GPC6: variants seen among roughly 807,000 people sequenced by gnomAD.
GPC6 encodes the protein glypican 6, also known as glypican-6.
A neutral mutation model predicts 55.2 loss-of-function variants in GPC6; 14 were observed. The ratio of observed to expected loss-of-function variants is 0.25; its 90% CI spans 0.17 to 0.40. The LOEUF (loss-of-function observed/expected upper bound fraction) is 0.40. GPC6 is among the 10% of genes least tolerant of loss of function. The pLI is 1.00. For synonymous variants in GPC6, 278 were observed against 259.6 expected (o/e 1.07, Z -0.68); for missense variants, 641 against 708.5 (o/e 0.90, Z 1.08).
chr13:93,307,841 C>A (rs1037737328), intron 1 of GPC6, among the ~76,000 whole-genome samples: 12 of 152,060 alleles, frequency 7.9e-5, no homozygotes, highest in African/African-American at 2.9e-4. Flanking sequence ...GTAAAGTGTT[C>A]TCACCACAAA....
intron 8 of GPC6, among the ~76,000 whole-genome samples, chr13:94,402,650 A>G (rs931849010): frequency 6.6e-6 from 1 of 152,172 alleles, no homozygotes; most frequent in African/African-American, 2.4e-5. Context: ...GAGACTGGGT[A>G]ATTTATAAAG....
chr13:93,593,408 G>A (rs1877577912), intron 2 of GPC6, among the ~76,000 whole-genome samples: 1 of 152,050 alleles, frequency 6.6e-6, no homozygotes, highest in Non-Finnish European at 1.5e-5. Flanking sequence ...TGATGTCACT[G>A]CATAAACTTA....
At chr13:94,007,863 T>C (rs373441761) in intron 3 of GPC6, among the ~76,000 whole-genome samples, 7 of 152,078 alleles carry the variant, frequency 4.6e-5, no homozygotes, top group African/African-American at 1.7e-4. Flanking sequence ...TACATGTGAA[T>C]CTAACGTACA....
chr13:93,725,405 T>G (rs1365817154), intron 2 of GPC6, among the ~76,000 whole-genome samples: 1 of 152,064 alleles, frequency 6.6e-6, no homozygotes, highest in Non-Finnish European at 1.5e-5. Flanking sequence ...GAAACTCCCT[T>G]TCTCCTAAAA....
chr13:93,357,158 A>G (rs529580599), intron 1 of GPC6, among the ~76,000 whole-genome samples: 3 of 152,248 alleles, frequency 2.0e-5, no homozygotes, highest in East Asian at 3.9e-4. Context: ...AGAGTGAATC[A>G]CCTTCATTGT....
chr13:93,404,914 C>T (rs1366514081), intron 1 of GPC6, among the ~76,000 whole-genome samples: 1 of 152,012 alleles, frequency 6.6e-6, no homozygotes, highest in Non-Finnish European at 1.5e-5. Flanking sequence ...GGTTAATCAC[C>T]TCATTAATCA....
At chr13:93,528,428 T>C (rs951330124) in intron 1 of GPC6, among the ~76,000 whole-genome samples, 3 of 152,138 alleles carry the variant, frequency 2.0e-5, no homozygotes, top group Admixed American at 2.0e-4. Flanking sequence ...AAGATGGAAA[T>C]CAGCATCTCT....
chr13:94,341,879 A>G (rs1428753540), intron 6 of GPC6, among the ~76,000 whole-genome samples: 2 of 152,246 alleles, frequency 1.3e-5, no homozygotes, highest in Admixed American at 1.3e-4. Context: ...TATACCTCAC[A>G]TTGTAAAACT....
intron 1 of GPC6, among the ~76,000 whole-genome samples, chr13:93,476,856 T>C (rs1879320442): frequency 6.6e-6 from 1 of 152,204 alleles, no homozygotes; most frequent in Non-Finnish European, 1.5e-5. Context: ...CAAATATTAA[T>C]ATGTGACTAT....
At chr13:93,817,292 A>G (rs982522122) in intron 2 of GPC6, among the ~76,000 whole-genome samples, 5 of 152,198 alleles carry the variant, frequency 3.3e-5, no homozygotes, top group African/African-American at 7.2e-5. Flanking sequence ...GTTAGCTTTT[A>G]AATATTCTTT....
chr13:93,781,829 A>G, intron 2 of GPC6, among the ~76,000 whole-genome samples: 1 of 152,312 alleles, frequency 6.6e-6, no homozygotes, highest in East Asian at 1.9e-4. Flanking sequence ...TATAATTTTA[A>G]TTGACAAAAA....
At chr13:94,205,016 T>A (rs1889861239) in intron 4 of GPC6, among the ~76,000 whole-genome samples, 1 of 152,202 alleles carries the variant, frequency 6.6e-6, no homozygotes, top group South Asian at 2.1e-4. Context: ...CAAATAATAA[T>A]CTTTTTCATG....
chr13:94,272,284 T>A (rs1892053653), intron 4 of GPC6, among the ~76,000 whole-genome samples: 1 of 151,980 alleles, frequency 6.6e-6, no homozygotes, highest in South Asian at 2.1e-4. Flanking sequence ...GCCCTTGTAC[T>A]ACAGGAACAA....
chr13:93,478,792 C>T (rs1000541166), intron 1 of GPC6, among the ~76,000 whole-genome samples: 1 of 152,142 alleles, frequency 6.6e-6, no homozygotes, highest in Non-Finnish European at 1.5e-5. Flanking sequence ...GATAACCTCC[C>T]AAACTTACCA....
intron 4 of GPC6, among the ~76,000 whole-genome samples, chr13:94,254,066 A>G (rs1891434469): frequency 6.6e-6 from 1 of 152,108 alleles, no homozygotes; most frequent in African/African-American, 2.4e-5. Flanking sequence ...AAATGCATTA[A>G]TGTTTACAAA....
At chr13:93,618,479 A>G (rs1178243188) in intron 2 of GPC6, among the ~76,000 whole-genome samples, 1 of 152,034 alleles carries the variant, frequency 6.6e-6, no homozygotes, top group Non-Finnish European at 1.5e-5. Flanking sequence ...GTGGAGCAAA[A>G]GTGCTTTGAT....
chr13:93,295,109 C>CAAAAA (rs71202577), intron 1 of GPC6, among the ~76,000 whole-genome samples: 4 of 61,830 alleles, frequency 6.5e-5, no homozygotes, highest in Non-Finnish European at 9.3e-5. Context: ...TCTGTCTCTG[C>CAAAAA]AAAAAAAAAA....
chr13:93,216,552 A>G, the GPC6 span, among the ~76,000 whole-genome samples: 1 of 152,030 alleles, frequency 6.6e-6, no homozygotes, highest in Non-Finnish European at 1.5e-5. Flanking sequence ...TGTGTGCAGG[A>G]AGTCTAGGTC....
chr13:93,615,965 A>G (rs905100990), intron 2 of GPC6, among the ~76,000 whole-genome samples: 3 of 152,146 alleles, frequency 2.0e-5, no homozygotes. Flanking sequence ...ATTGGGAGGC[A>G]GTGAAATCCT....
Sources: gnomAD v4.1 joint callset for allele counts (sites outside exome capture counted in the v4.1 genomes callset) on GRCh38, gnomAD v4.1.1 for gene constraint, MANE v1.5 for transcripts, NCBI Gene and HGNC (gene_info 2026-07-23, HGNC 2026-07-21) for gene names.